Variants in MAGED1 observed in about 807,000 individuals in gnomAD.
MAGED1 encodes melanoma-associated antigen D1.
MAGED1 carries 3 observed loss-of-function variants against 54.1 expected under a neutral mutation model. The ratio of observed to expected loss-of-function variants is 0.06; its 90% CI spans 0.03 to 0.14. MAGED1 has a LOEUF of 0.14. MAGED1 is among the 10% of genes least tolerant of loss of function. MAGED1 has a pLI of 1.00. For missense variants in MAGED1, 485 were observed against 623.4 expected, an observed-to-expected ratio of 0.78 and a Z score of 2.36; for synonymous variants, 217 against 227.3, an observed-to-expected ratio of 0.95 and a Z score of 0.41.
intron 1 of MAGED1, among the ~76,000 whole-genome samples, chrX:51,808,114 A>G (rs1925094880): frequency 8.9e-6 from 1 of 112,193 alleles, no homozygotes; most frequent in Non-Finnish European, 1.9e-5. Flanking sequence ...ATATCAACAA[A>G]TACCTAATCT....
At chrX:51,864,189 AGTGTGTGTGT>A (rs141456748) in intron 1 of MAGED1, among the ~76,000 whole-genome samples, 8 of 100,445 alleles carry the variant, frequency 8.0e-5, no homozygotes, top group African/African-American at 1.8e-4. Flanking sequence ...AGAGAGAGAG[AGTGTGTGTGT>A]GTGTGTGTGT....
intron 1 of MAGED1, among the ~76,000 whole-genome samples, chrX:51,859,243 T>G (rs1314498530): frequency 9.0e-6 from 1 of 110,812 alleles, no homozygotes; most frequent in African/African-American, 3.3e-5. Context: ...CTAATAAATA[T>G]GTTATTGAAA....
chrX:51,811,418 A>T lies in MAGED1; in HGVS notation c.-37+8301A>T, dbSNP rs782649119. Among the ~76,000 whole-genome samples the T allele has an allele frequency of 6.2e-5, 7 of 112,160 alleles. No homozygotes were observed. The East Asian group carries it at 1.7e-3, about 27-fold the overall frequency. On this transcript the variant is annotated intron_variant, in intron 1 of 12. Transcript: ENST00000375772. ...CTATCCATCTGACAGATACTGCATG[A>T]ATAGTATGTTAAACACAGGTTTGTG...
chrX:51,825,653 T>G (rs1358112065), intron 1 of MAGED1, among the ~76,000 whole-genome samples: 3 of 111,602 alleles, frequency 2.7e-5, no homozygotes. Flanking sequence ...AGCCAGGCAG[T>G]TTACAACCGT....
rs782765353 is a variant in MAGED1, at chrX:51,895,384, A to G, written c.377A>G (p.Tyr126Cys). The G allele has an allele frequency of 1.8e-5, 22 of 1,205,650 alleles. No individual in the cohort carries two copies. In the East Asian group the frequency reaches 4.2e-4, roughly 23 times the overall value. Residue 126 changes from tyrosine (Y) to cysteine (C), a missense_variant, in exon 3 of 13, where the codon TAT becomes TGT. Physicochemically the swap from Tyr to Cys is radical, Grantham distance 194. Transcript: ENST00000326587. The part of the protein sequence containing the change: ...NATPKGPNAA[Y>C]DFSQAATTGE... ...ACCCCAAAGGGTCCAAATGCTGCCTATGATTTTTCCCAGGCAGCAACCACT... is the reference window on the plus strand; with the variant it reads ...ACCCCAAAGGGTCCAAATGCTGCCTGTGATTTTTCCCAGGCAGCAACCACT...
chrX:51,899,207 G>A, intron 10 of MAGED1: 1 of 112,866 alleles, frequency 8.9e-6, no homozygotes, highest in Non-Finnish European at 1.9e-5. Flanking sequence ...GCAATGGCGT[G>A]ATCTCGGCTC....
intron 1 of MAGED1, among the ~76,000 whole-genome samples, chrX:51,811,702 C>G (rs1245365903): frequency 9.0e-6 from 1 of 111,434 alleles, no homozygotes; most frequent in Non-Finnish European, 1.9e-5. Context: ...TTTTCATTCT[C>G]TCTATTTGTC....
chrX:51,805,779 GCATCCATC>G (rs1254330656), intron 1 of MAGED1, among the ~76,000 whole-genome samples: 1 of 108,052 alleles, frequency 9.3e-6, no homozygotes, highest in Non-Finnish European at 1.9e-5. Context: ...CTTTCTCCAT[GCATCCATC>G]CATCCATCCA....
chrX:51,834,651 A>C (rs1926181563), intron 1 of MAGED1, among the ~76,000 whole-genome samples: 1 of 111,541 alleles, frequency 9.0e-6, no homozygotes, highest in Non-Finnish European at 1.9e-5. Flanking sequence ...GATTTGTAGA[A>C]GTTACATTTA....
At chrX:51,882,433 A>G (rs1266533803) in intron 1 of MAGED1, among the ~76,000 whole-genome samples, 1 of 111,292 alleles carries the variant, frequency 9.0e-6, no homozygotes, top group East Asian at 2.8e-4. Context: ...TGGAAAAAAT[A>G]TATAAACAAA....
chrX:51,845,824 G>A (rs1178772852), intron 1 of MAGED1, among the ~76,000 whole-genome samples: 1 of 111,560 alleles, frequency 9.0e-6, no homozygotes, highest in African/African-American at 3.3e-5. Flanking sequence ...CACCCAGGCT[G>A]GAGTGCAGTG....
chrX:51,872,920 T>C (rs782680049), intron 1 of MAGED1, among the ~76,000 whole-genome samples: 26 of 111,259 alleles, frequency 2.3e-4, no homozygotes, highest in Middle Eastern at 9.2e-3. Context: ...GGTATAAATA[T>C]AGGTAGCCAG....
intron 1 of MAGED1, among the ~76,000 whole-genome samples, chrX:51,835,955 ATTTTTTCAAATTCTTTAATCTTTCCT>A (rs1926231137): frequency 9.0e-6 from 1 of 111,568 alleles, no homozygotes; most frequent in African/African-American, 3.3e-5. Flanking sequence ...TTTTATTTCC[ATTTTTTCAAATTCTTTAATCTTTCCT>A]TTTCCATAGT....
intron 1 of MAGED1, among the ~76,000 whole-genome samples, chrX:51,888,444 A>G (rs1343354220): frequency 8.9e-6 from 1 of 111,819 alleles, no homozygotes; most frequent in Non-Finnish European, 1.9e-5. Flanking sequence ...CTACACACCT[A>G]TGGCCAAAAT....
intron 1 of MAGED1, among the ~76,000 whole-genome samples, chrX:51,804,621 G>A (rs1924965616): frequency 9.0e-6 from 1 of 110,881 alleles, no homozygotes; most frequent in Admixed American, 9.6e-5. Flanking sequence ...ACTATAGCTG[G>A]GAGACAGACA....
chrX:51,866,591 A>C (rs1199286151), intron 1 of MAGED1, among the ~76,000 whole-genome samples: 1 of 112,443 alleles, frequency 8.9e-6, no homozygotes, highest in Admixed American at 9.4e-5. Flanking sequence ...AAGCTAACAC[A>C]AAGCTAGCTA....
At chrX:51,833,004 C>T (rs1926123691) in intron 1 of MAGED1, among the ~76,000 whole-genome samples, 1 of 111,611 alleles carries the variant, frequency 9.0e-6, no homozygotes, top group Middle Eastern at 4.6e-3. Flanking sequence ...TGTAGTCCAA[C>T]GTAAGTACCT....
intron 1 of MAGED1, among the ~76,000 whole-genome samples, chrX:51,888,119 T>C (rs989258255): frequency 8.9e-6 from 1 of 111,776 alleles, no homozygotes; most frequent in African/African-American, 3.3e-5. Context: ...ATAGGGTGAC[T>C]ATAGTTAATT....
chrX:51,823,595 T>C (rs1925722941), intron 1 of MAGED1, among the ~76,000 whole-genome samples: 1 of 111,890 alleles, frequency 8.9e-6, no homozygotes, highest in South Asian at 3.7e-4. Context: ...TCTCTCTCTT[T>C]ATTGGAGAGT....
Sources: allele counts gnomAD v4.1 joint callset (sites outside exome capture counted in the v4.1 genomes callset), GRCh38; gene constraint gnomAD v4.1.1; transcripts MANE v1.5; gene names NCBI Gene and HGNC (gene_info 2026-07-23, HGNC 2026-07-21).